NPLOC4: variants seen among roughly 807,000 people sequenced by gnomAD.
NPLOC4 encodes the protein NPL4 homolog, ubiquitin recognition factor.
A neutral mutation model predicts 80.6 loss-of-function variants in NPLOC4; 18 were observed. That is an observed-to-expected ratio of 0.22 (90% CI 0.15 to 0.33). The LOEUF (loss-of-function observed/expected upper bound fraction) is 0.33. Among genes scored for constraint, NPLOC4 ranks in the 10% least tolerant of loss-of-function variants. The pLI is 1.00. For missense variants in NPLOC4, 540 were observed against 786.1 expected, an observed-to-expected ratio of 0.69 and a Z score of 3.74; for synonymous variants, 313 against 301.5, an observed-to-expected ratio of 1.04 and a Z score of -0.39.
intron 1 of NPLOC4, among the ~76,000 whole-genome samples, chr17:81,635,917 G>C (rs1310721757): frequency 1.1e-5 from 1 of 89,616 alleles, no homozygotes; most frequent in African/African-American, 7.0e-5. Flanking sequence ...ACTTAACGAG[G>C]GACTGGTTTT....
intron 8 of NPLOC4, among the ~76,000 whole-genome samples, chr17:81,602,155 C>G (rs7503280): frequency 3.3e-5 from 5 of 152,108 alleles, no homozygotes; most frequent in African/African-American, 1.2e-4. Context: ...TGGCATACAC[C>G]GATAGTCCCA....
Position 81,622,997 on chromosome 17 carries a change from C to G in NPLOC4, c.97-719G>C, listed in dbSNP as rs575894558. Among the ~76,000 whole-genome samples, 73 of 151,638 alleles carry G rather than the reference C, an allele frequency of 4.8e-4. 1 individual carries two copies. The highest frequency in any genetic ancestry group is 3.1e-4 in the Non-Finnish European group (21 of 67,832). ...ATCACCTGAGGTTAGGAGTTCGAGA[C>G]CAGCCTGACCAACATGGTGAATCCC... On this transcript the variant is annotated intron_variant, in intron 2 of 16. Transcript: ENST00000331134.
At chr17:81,605,403 A>T (rs11655377) in intron 7 of NPLOC4, among the ~76,000 whole-genome samples, 68,955 of 151,486 alleles carry the variant, frequency 0.46, 16,786 homozygotes, top group Non-Finnish European at 0.55. Context: ...TCCCAGCACT[A>T]TGGGAGGTGA....
chr17:81,569,326 A>AT (rs1448083457), intron 13 of NPLOC4, among the ~76,000 whole-genome samples: 1 of 152,238 alleles, frequency 6.6e-6, no homozygotes, highest in Non-Finnish European at 1.5e-5. Flanking sequence ...AAACTACACC[A>AT]TATCCGGGCA....
intron 12 of NPLOC4, among the ~76,000 whole-genome samples, chr17:81,576,837 G>A (rs1447433407): frequency 6.6e-6 from 1 of 152,150 alleles, no homozygotes; most frequent in Non-Finnish European, 1.5e-5. Flanking sequence ...GGCCTGCCTG[G>A]TCCTTGCCAG....
intron 12 of NPLOC4, among the ~76,000 whole-genome samples, chr17:81,581,530 A>G (rs1055360246): frequency 1.3e-5 from 2 of 152,170 alleles, no homozygotes; most frequent in Non-Finnish European, 2.9e-5. Context: ...GACCCTTGGC[A>G]TAGGTGCGAG....
chr17:81,581,070 G>A (rs1298691761), intron 12 of NPLOC4, among the ~76,000 whole-genome samples: 1 of 152,162 alleles, frequency 6.6e-6, no homozygotes, highest in Non-Finnish European at 1.5e-5. Flanking sequence ...ACACAGTAAG[G>A]CTGGAAGCGG....
At chr17:81,606,218 T>C (rs1183943112) in intron 7 of NPLOC4, among the ~76,000 whole-genome samples, 1 of 152,066 alleles carries the variant, frequency 6.6e-6, no homozygotes, top group African/African-American at 2.4e-5. Context: ...GGAGCCGTTT[T>C]CTCTAAGGGC....
chr17:81,606,247 C>T (rs540829671), intron 7 of NPLOC4, among the ~76,000 whole-genome samples: 3 of 152,226 alleles, frequency 2.0e-5, no homozygotes, highest in Admixed American at 6.5e-5. Flanking sequence ...AGGAGGAAGG[C>T]GAGGCAGGCT....
Position 81,577,218 on chromosome 17 carries a change from G to A in NPLOC4, c.1282-5130C>T, listed in dbSNP as rs945256057. Among the ~76,000 whole-genome samples the A allele has an allele frequency of 2.0e-5, 3 of 151,886 alleles. No homozygotes were observed. Among genetic ancestry groups the A allele is most frequent in the East Asian group, 1.9e-4 (1 of 5,146 alleles). ...CTATGTCCCCTCAGCTCCCCACGGC[G>A]CTCTGACCCGCCCCACCCCATCACT... On this transcript the variant is annotated intron_variant, in intron 12 of 16. Transcript: ENST00000331134. This position sits in a 1 kb window ranked among gnomAD's most constrained non-coding sequence, Gnocchi z 4.3.
At chr17:81,584,076 C>T (rs991234603) in intron 12 of NPLOC4, among the ~76,000 whole-genome samples, 2 of 152,152 alleles carry the variant, frequency 1.3e-5, no homozygotes, top group African/African-American at 4.8e-5. Flanking sequence ...TTGCCAGAGA[C>T]AACAACATGA....
At chr17:81,588,544 C>T (rs184193604) in intron 12 of NPLOC4, among the ~76,000 whole-genome samples, 1 of 152,168 alleles carries the variant, frequency 6.6e-6, no homozygotes, top group South Asian at 2.1e-4. Flanking sequence ...GACACAGTCT[C>T]GCTATGTTGC....
chr17:81,559,727 CTTTTTTTTT>C (rs11335414), intron 16 of NPLOC4, among the ~76,000 whole-genome samples: 1 of 95,712 alleles, frequency 1.0e-5, no homozygotes, highest in African/African-American at 4.0e-5. Flanking sequence ...TTGTTTCCAG[CTTTTTTTTT>C]TTTTTTTTTT....
intron 16 of NPLOC4, 69 bp from the exon 17 acceptor site, chr17:81,559,485 G>GGGGGCA (rs1239613909): frequency 1.3e-6 from 2 of 1,502,764 alleles, no homozygotes; most frequent in African/African-American, 2.8e-5. Flanking sequence ...GTGTGGGCAT[G>GGGGGCA]GGGGCAGGGG....
chr17:81,626,175 G>A (rs901481009), intron 2 of NPLOC4, among the ~76,000 whole-genome samples: 1 of 150,298 alleles, frequency 6.7e-6, no homozygotes, highest in African/African-American at 2.4e-5. Flanking sequence ...AATTAGCCAG[G>A]TGAGCTGGCA....
intron 11 of NPLOC4, among the ~76,000 whole-genome samples, chr17:81,591,715 G>A (rs12948708): frequency 0.26 from 40,109 of 152,114 alleles, 6,445 homozygotes; most frequent in Non-Finnish European, 0.36. Context: ...TAACCCTGCC[G>A]GAATGGCTGG....
rs376555585 is a variant in NPLOC4, at chr17:81,596,155, C to T, written c.1081G>A (p.Gly361Arg). 20 of 1,613,744 alleles carry T rather than the reference C, an allele frequency of 1.2e-5. No individual in the cohort carries two copies. The highest frequency in any genetic ancestry group is 2.2e-5 in the South Asian group (2 of 91,084). Residue 361 changes from glycine (G) to arginine (R), a missense_variant, in exon 11 of 17, where the codon GGA becomes AGA. Transcript: ENST00000331134. ...HPNMCRLSPD[G>R]HFGSKFVTAV... ...GTAACAAACTTGGATCCAAAATGTC[C>T]GTCTGGAGAGAGCCGGCACATGTTG...
chr17:81,629,100 A>G (rs1407908782), intron 2 of NPLOC4, among the ~76,000 whole-genome samples: 1 of 151,536 alleles, frequency 6.6e-6, no homozygotes, highest in Admixed American at 6.6e-5. Flanking sequence ...GGATGGTCTC[A>G]ATCTCCTGAC....
rs2034346555 is a variant in NPLOC4, at chr17:81,577,987, C to T, written c.1282-5899G>A. Among the ~76,000 whole-genome samples, 1 of 152,212 alleles carries T rather than the reference C, an allele frequency of 6.6e-6. No individual in the cohort carries two copies. Among genetic ancestry groups the T allele is most frequent in the Non-Finnish European group, 1.5e-5 (1 of 68,034 alleles). On this transcript the variant is annotated intron_variant, in intron 12 of 16. Coordinates refer to ENST00000331134, the MANE Select transcript of NPLOC4 (RefSeq NM_017921.4). This position sits in a 1 kb window ranked among gnomAD's most constrained non-coding sequence, Gnocchi z 4.3. Reference sequence around the variant, plus strand: ...CAGCGGGGACCTCCCCTGCCCACCCCATCCGGCTGTCAGCACCTGTCCACT... The same window carrying T: ...CAGCGGGGACCTCCCCTGCCCACCCTATCCGGCTGTCAGCACCTGTCCACT...
Sources: allele counts gnomAD v4.1 joint callset (sites outside exome capture counted in the v4.1 genomes callset), GRCh38; gene constraint gnomAD v4.1.1; non-coding constraint Gnocchi (gnomAD v3.1); transcripts MANE v1.5; gene names NCBI Gene and HGNC (gene_info 2026-07-23, HGNC 2026-07-21).